The following ZNF236 variants were observed in gnomAD, a reference collection of about 807,000 sequenced individuals.
ZNF236 encodes the protein zinc finger protein 236.
A neutral mutation model predicts 191.2 loss-of-function variants in ZNF236; 50 were observed. The ratio of observed to expected loss-of-function variants is 0.26; its 90% CI spans 0.21 to 0.33. The LOEUF is 0.33. Among genes scored for constraint, ZNF236 ranks in the 10% least tolerant of loss-of-function variants. The pLI, the probability that ZNF236 is intolerant of heterozygous loss-of-function variation, is 1.00. For synonymous variants in ZNF236, 907 were observed against 928.8 expected (o/e 0.98, Z 0.43); for missense variants, 1,754 against 2,374.5 (o/e 0.74, Z 5.43).
chr18:76,882,948 T>C (rs75263649), intron 9 of ZNF236, among the ~76,000 whole-genome samples: 2,418 of 152,366 alleles, frequency 0.016, 30 homozygotes, highest in Middle Eastern at 0.02. Flanking sequence ...CCCCACGGGC[T>C]ACTGTCTCTA....
chr18:76,925,075 G>C lies in ZNF236; in HGVS notation c.3662-114G>C. 6.8e-7 allele frequency: 1 copy of C among 1,460,990 alleles called. No homozygotes were observed. The highest frequency in any genetic ancestry group is 1.4e-5 in the South Asian group (1 of 73,766). 90.5% of individuals were successfully genotyped at this position (1,460,990 alleles called of 1,614,324 possible). A position where few individuals can be genotyped will look rare whatever the true frequency, so the allele number is the denominator to read the frequency against. On this transcript the variant is annotated intron_variant, in intron 21 of 30. Transcript: ENST00000320610. This position sits in a 1 kb window ranked among gnomAD's most constrained non-coding sequence, Gnocchi z 5.7. ...ATAGGTGAAAGGGATTCTCATTAAA[G>C]TACTTCCATCCACTGATTCAACATA...
chr18:76,868,116 G>T (rs1976466343), intron 3 of ZNF236, among the ~76,000 whole-genome samples: 1 of 152,164 alleles, frequency 6.6e-6, no homozygotes, highest in Admixed American at 6.5e-5. Flanking sequence ...ACTCCTGTGT[G>T]TGTGTGTGCT....
At chr18:76,841,533 T>C (rs2122459107) in intron 1 of ZNF236, among the ~76,000 whole-genome samples, 1 of 152,358 alleles carries the variant, frequency 6.6e-6, no homozygotes, top group Admixed American at 6.5e-5. Context: ...AATTGTTTCA[T>C]TGGAACTACT....
At chr18:76,828,500 A>G (rs1975076509) in intron 1 of ZNF236, among the ~76,000 whole-genome samples, 1 of 152,190 alleles carries the variant, frequency 6.6e-6, no homozygotes, top group Non-Finnish European at 1.5e-5. Context: ...GGAGGCAGCC[A>G]GAGCTGTAAT....
chr18:76,857,967 C>T (rs1976094353), intron 3 of ZNF236, among the ~76,000 whole-genome samples: 2 of 152,132 alleles, frequency 1.3e-5, no homozygotes, highest in South Asian at 2.1e-4. Flanking sequence ...ACACTTTTTA[C>T]GTTTCTTAAG....
At chr18:76,952,107 A>C (rs1968423814) in intron 27 of ZNF236, among the ~76,000 whole-genome samples, 1 of 152,250 alleles carries the variant, frequency 6.6e-6, no homozygotes, top group Non-Finnish European at 1.5e-5. Context: ...GAGAATTACC[A>C]AAATGTGACA....
chr18:76,857,330 G>C (rs1599336920), intron 3 of ZNF236, among the ~76,000 whole-genome samples: 1 of 118,852 alleles, frequency 8.4e-6, no homozygotes, highest in Non-Finnish European at 1.8e-5. Context: ...AGCCCTCAGG[G>C]TTCCACATTT....
intron 1 of ZNF236, among the ~76,000 whole-genome samples, chr18:76,838,619 C>T (rs1017141993): frequency 6.6e-6 from 1 of 152,172 alleles, no homozygotes; most frequent in South Asian, 2.1e-4. Context: ...TGAGTTTCAG[C>T]AAACCTTTGT....
chr18:76,903,565 A>C (rs1460053562), intron 11 of ZNF236, among the ~76,000 whole-genome samples: 1 of 152,214 alleles, frequency 6.6e-6, no homozygotes, highest in Non-Finnish European at 1.5e-5. Context: ...CTGTGGGCAG[A>C]GGACAAAATC....
At chr18:76,844,779 G>A (rs759625777) in intron 1 of ZNF236, among the ~76,000 whole-genome samples, 3 of 152,126 alleles carry the variant, frequency 2.0e-5, no homozygotes, top group African/African-American at 7.2e-5. Flanking sequence ...AGGGTCTCTA[G>A]GTGGGGAATA....
At chr18:76,905,076 A>G in intron 12 of ZNF236, 79 bp from the exon 13 acceptor site, 1 of 1,394,846 alleles carries the variant, frequency 7.2e-7, no homozygotes, top group Non-Finnish European at 9.6e-7. Context: ...GTGAAGCGAA[A>G]TGCAAGAGTG....
At chr18:76,949,681 CAG>C (rs1968355748) in intron 27 of ZNF236, among the ~76,000 whole-genome samples, 2 of 143,514 alleles carry the variant, frequency 1.4e-5, no homozygotes, top group Admixed American at 7.1e-5. Flanking sequence ...TTTTTTGAGA[CAG>C]AGTCTTGCTC....
rs1163268685 is a variant in ZNF236, at chr18:76,910,592, C to A, written c.2654-68C>A. On this transcript the variant is annotated intron_variant, in intron 15 of 30. Transcript: ENST00000320610. ...CTTTAGACATTTTAAATTTATAAAC[C>A]TTTTCTTAGAACATTTTAATGTAAC... The A allele has an allele frequency of 1.5e-5, 23 of 1,487,472 alleles. No homozygotes were observed. The Middle Eastern group carries it at 5.3e-4, about 34-fold the overall frequency. 92.1% of individuals were successfully genotyped at this position (1,487,472 alleles called of 1,614,324 possible).
Position 76,956,017 on chromosome 18 carries a change from C to T in ZNF236, c.4947C>T (p.Gly1649=). 2 of 1,610,566 alleles carry T rather than the reference C, an allele frequency of 1.2e-6. No homozygotes were observed. The highest frequency in any genetic ancestry group is 1.3e-5 in the African/African-American group (1 of 75,000). Residue 1649 remains glycine (G), a synonymous_variant, in exon 28 of 31, where the codon GGC becomes GGT. Coordinates refer to ENST00000320610, the MANE Select transcript of ZNF236 (RefSeq NM_001306089.2). ...GCGTCTCTGGGAACCTGGCCCCGGG[C>T]AACCAGCCAGAGAAGGAGGGCCGGG... The part of the protein sequence containing the change: ...VAGVSGNLAP[G]NQPEKEGRAH...
chr18:76,947,629 G>C lies in ZNF236; in HGVS notation c.4891G>C (p.Ala1631Pro). The change falls in exon 27 of 31, where the codon GCT (alanine) becomes CCT (proline). Residue 1631 changes from alanine to proline, a missense_variant. Ala to Pro is a conservative substitution (Grantham distance 27). Around this residue, in one of 5 missense-constraint regions of ZNF236, gnomAD observed 606 missense variants for 761.5 expected, o/e 0.80. Transcript: ENST00000320610. The stretch of plus-strand genomic sequence containing the variant: ...CCACACGCCACAGTCAGCGTCTGCT[G>C]CTTGTGAAGAAATAGCCTACCAGGT... ...VSHTPQSASA[A>P]CEEIAYQVAG... 6.2e-7 allele frequency: 1 copy of C among 1,613,784 alleles called. No individual in the cohort carries two copies. Among genetic ancestry groups the C allele is most frequent in the Non-Finnish European group, 8.5e-7 (1 of 1,179,858 alleles).
At chr18:76,922,588 A>G (rs1457454104) in intron 20 of ZNF236, among the ~76,000 whole-genome samples, 1 of 148,918 alleles carries the variant, frequency 6.7e-6, no homozygotes, top group African/African-American at 2.5e-5. Flanking sequence ...ACAGAGTCTG[A>G]CTTTGTCACC....
chr18:76,932,672 G>A (rs1967889660), intron 25 of ZNF236, among the ~76,000 whole-genome samples: 1 of 152,352 alleles, frequency 6.6e-6, no homozygotes, highest in African/African-American at 2.4e-5. Context: ...CAGCAGTGCA[G>A]CCTCATGTCT....
At chr18:76,952,159 G>A (rs1158893968) in intron 27 of ZNF236, among the ~76,000 whole-genome samples, 1 of 152,168 alleles carries the variant, frequency 6.6e-6, no homozygotes, top group Non-Finnish European at 1.5e-5. Flanking sequence ...AATGGCACCA[G>A]TAGACTTGCT....
chr18:76,965,376 C>A (rs569567519), intron 30 of ZNF236, among the ~76,000 whole-genome samples: 10 of 152,088 alleles, frequency 6.6e-5, no homozygotes, highest in Non-Finnish European at 1.0e-4. Context: ...TTCCTGAATT[C>A]TTTTTCAGGT....
Sources: allele counts gnomAD v4.1 joint callset (sites outside exome capture counted in the v4.1 genomes callset), GRCh38; gene constraint gnomAD v4.1.1; regional missense constraint gnomAD v4.1.1; non-coding constraint Gnocchi (gnomAD v3.1); transcripts MANE v1.5; gene names NCBI Gene and HGNC (gene_info 2026-07-23, HGNC 2026-07-21).